DLG2: variants seen among roughly 807,000 people sequenced by gnomAD.
DLG2 encodes the protein discs large MAGUK scaffold protein 2.
In DLG2, 45 loss-of-function variants were observed where a neutral mutation model predicts 132.5. The observed-to-expected ratio is 0.34, with a 90% CI of 0.27 to 0.44. The LOEUF (loss-of-function observed/expected upper bound fraction) is 0.44. DLG2 is among the 20% of genes least tolerant of loss of function. The pLI is 1.00. For missense variants in DLG2, 1,045 were observed against 1,196.9 expected (o/e 0.87, Z 1.87); for synonymous variants, 424 against 419.6 (o/e 1.01, Z -0.13).
rs544904677 is a variant in DLG2, at chr11:84,217,826, G to A, written c.573+33412C>T. Among the ~76,000 whole-genome samples the A allele has an allele frequency of 7.2e-5, 11 of 152,292 alleles. No individual in the cohort carries two copies. The South Asian group carries it at 1.0e-3, about 14-fold the overall frequency. On this transcript the variant is annotated intron_variant, in intron 8 of 27. Coordinates refer to ENST00000376104, the MANE Select transcript of DLG2 (RefSeq NM_001142699.3). Reference sequence around the variant, plus strand: ...ATGTTTTCAGTCAGACTATGGCAGAGGTTGCTAGCTGTTCAACAAATTTTG... The same window carrying A: ...ATGTTTTCAGTCAGACTATGGCAGAAGTTGCTAGCTGTTCAACAAATTTTG...
chr11:83,668,724 A>AACACACATATATATGTGTATATAAAC lies in DLG2; in HGVS notation c.1826-35400_1826-35399insGTTTATATACACATATATATGTGTGT, dbSNP rs10661977. 2.2e-4 allele frequency among the ~76,000 whole-genome samples: 2 copies of AACACACATATATATGTGTATATAAAC among 9,142 alleles called. 1 individual carries two copies. Among genetic ancestry groups the AACACACATATATATGTGTATATAAAC allele is most frequent in the East Asian group, 8.7e-3 (2 of 230 alleles). 6.0% of individuals were successfully genotyped at this position (9,142 alleles called of 152,430 possible). ...ATAAACACATATATATGTGTATATA[A>AACACACATATATATGTGTATATAAAC]ACACATATATATGTGTATATAAACA... On this transcript the variant is annotated intron_variant, in intron 18 of 27. Coordinates refer to ENST00000376104, the MANE Select transcript of DLG2 (RefSeq NM_001142699.3).
intron 11 of DLG2, among the ~76,000 whole-genome samples, chr11:84,017,191 A>C (rs955457402): frequency 5.9e-5 from 9 of 152,118 alleles, no homozygotes; most frequent in Non-Finnish European, 1.0e-4. Flanking sequence ...AATTTTAAAA[A>C]GGGGTATTTT....
chr11:85,342,207 T>C (rs531861912), intron 3 of DLG2, among the ~76,000 whole-genome samples: 1 of 152,366 alleles, frequency 6.6e-6, no homozygotes, highest in South Asian at 2.1e-4. Flanking sequence ...ACATTTTTAC[T>C]CTGTTGTAAT....
intron 18 of DLG2, among the ~76,000 whole-genome samples, chr11:83,765,301 C>G (rs1282935060): frequency 6.6e-6 from 1 of 152,118 alleles, no homozygotes; most frequent in African/African-American, 2.4e-5. Context: ...AAAACAAATA[C>G]TTTAAGAAAT....
chr11:84,944,604 A>T (rs1338900756), intron 6 of DLG2, among the ~76,000 whole-genome samples: 2 of 63,234 alleles, frequency 3.2e-5, no homozygotes, highest in Non-Finnish European at 5.3e-5. Flanking sequence ...AGTCTCTGTT[A>T]ATTTTTTTTT....
chr11:85,234,950 C>A (rs945583737), intron 4 of DLG2, among the ~76,000 whole-genome samples: 5 of 151,912 alleles, frequency 3.3e-5, no homozygotes, highest in Non-Finnish European at 7.4e-5. Context: ...GGAAAATTAT[C>A]GTGTTACTAT....
intron 6 of DLG2, among the ~76,000 whole-genome samples, chr11:84,842,386 G>A (rs545971858): frequency 7.9e-5 from 12 of 151,852 alleles, no homozygotes; most frequent in South Asian, 2.1e-4. Context: ...AATGTCCCCC[G>A]TATGTCCATT....
chr11:85,223,620 T>C (rs188208972), intron 4 of DLG2, among the ~76,000 whole-genome samples: 250 of 152,200 alleles, frequency 1.6e-3, no homozygotes, highest in African/African-American at 5.7e-3. Flanking sequence ...GTTTGGGCAA[T>C]AGAAGGAGAC....
chr11:84,389,961 T>C (rs1009902803), intron 7 of DLG2, among the ~76,000 whole-genome samples: 1 of 152,214 alleles, frequency 6.6e-6, no homozygotes, highest in African/African-American at 2.4e-5. Flanking sequence ...AACTTGATTA[T>C]GACTTAGCAG....
Position 85,182,260 on chromosome 11 carries a change from T to G in DLG2, c.187-27609A>C, listed in dbSNP as rs556149529. On this transcript the variant is annotated intron_variant, in intron 4 of 27. Coordinates refer to ENST00000376104, the MANE Select transcript of DLG2 (RefSeq NM_001142699.3). Reference sequence around the variant, plus strand: ...AGTAGTTAAGTAACTTGCCTGAGGTTGCATAGCTAAGACATGATGGAGTCT... The same window carrying G: ...AGTAGTTAAGTAACTTGCCTGAGGTGGCATAGCTAAGACATGATGGAGTCT... 1.3e-3 allele frequency among the ~76,000 whole-genome samples: 198 copies of G among 152,020 alleles called. 3 individuals are homozygous for G. In the Middle Eastern group the frequency reaches 0.02, roughly 16 times the overall value.
intron 16 of DLG2, among the ~76,000 whole-genome samples, chr11:83,864,753 G>A (rs111400185): frequency 0.014 from 2,083 of 152,192 alleles, 53 homozygotes; most frequent in African/African-American, 0.048. Context: ...TTGGTCAGAA[G>A]AAGGAAGTAA....
intron 6 of DLG2, among the ~76,000 whole-genome samples, chr11:84,618,650 T>C (rs1276943474): frequency 6.6e-6 from 1 of 152,052 alleles, no homozygotes; most frequent in Non-Finnish European, 1.5e-5. Context: ...CAGAAGAGTC[T>C]TTTGGCTCCA....
At chr11:85,504,592 A>G (rs549640099) in intron 3 of DLG2, among the ~76,000 whole-genome samples, 1 of 152,300 alleles carries the variant, frequency 6.6e-6, no homozygotes, top group Admixed American at 6.5e-5. Context: ...TGGTAACAGT[A>G]CCATGCTGTT....
chr11:84,203,484 G>C (rs1486693976), intron 8 of DLG2, among the ~76,000 whole-genome samples: 1 of 149,226 alleles, frequency 6.7e-6, no homozygotes, highest in Non-Finnish European at 1.5e-5. Context: ...TGGGAGGCTG[G>C]GGCAGGAGAA....
Position 85,579,121 on chromosome 11 carries a change from A to G in DLG2, c.40+19536T>C, listed in dbSNP as rs147778178. ...CACTGGAGGCCATTACCTTTAGCAA[A>G]CTAATGCAGGAACAGAAAACCAAAT... On this transcript the variant is annotated intron_variant, in intron 3 of 27. Coordinates refer to ENST00000376104, the MANE Select transcript of DLG2 (RefSeq NM_001142699.3). Among the ~76,000 whole-genome samples, 1,165 of 152,294 alleles carry G rather than the reference A, an allele frequency of 7.6e-3. 16 individuals carry two copies. Among genetic ancestry groups the G allele is most frequent in the African/African-American group, 0.027 (1,133 of 41,566 alleles).
intron 7 of DLG2, among the ~76,000 whole-genome samples, chr11:84,479,503 T>A (rs1026502566): frequency 6.6e-6 from 1 of 152,092 alleles, no homozygotes; most frequent in Non-Finnish European, 1.5e-5. Flanking sequence ...TACCAAGGCC[T>A]AAAAATAAAA....
In DLG2 at chr11:85,173,994, A is replaced by G. The variant is rs78683754; in HGVS notation, c.187-19343T>C. Among the ~76,000 whole-genome samples the G allele has an allele frequency of 5.3e-4, 80 of 152,306 alleles. No homozygotes were observed. In the East Asian group the frequency reaches 0.014, roughly 26 times the overall value. ...AAGAAAGTTCCTAGAGAACTAAAAG[A>G]GACTTAGACTCTCAAAGAATAATAG... On this transcript the variant is annotated intron_variant, in intron 4 of 27. Coordinates refer to ENST00000376104, the MANE Select transcript of DLG2 (RefSeq NM_001142699.3).
chr11:84,923,636 C>T (rs537477699), intron 6 of DLG2: 1 of 975,060 alleles, frequency 1.0e-6, no homozygotes, highest in African/African-American at 1.8e-5. Context: ...GAGCTCTGCA[C>T]TATATTCCAG....
intron 9 of DLG2, among the ~76,000 whole-genome samples, chr11:84,148,278 T>C (rs1342797945): frequency 6.6e-6 from 1 of 152,164 alleles, no homozygotes; most frequent in Non-Finnish European, 1.5e-5. Context: ...AAAGGCATAT[T>C]GTGTGACGCT....
Sources: gnomAD v4.1 joint callset for allele counts (sites outside exome capture counted in the v4.1 genomes callset) on GRCh38, gnomAD v4.1.1 for gene constraint, MANE v1.5 for transcripts, NCBI Gene and HGNC (gene_info 2026-07-23, HGNC 2026-07-21) for gene names.